IQSEC1: variants seen among roughly 807,000 people sequenced by gnomAD.
IQSEC1 encodes IQ motif and SEC7 domain-containing protein 1.
In IQSEC1, 31 loss-of-function variants were observed where a neutral mutation model predicts 91.0. That is an observed-to-expected ratio of 0.34 (90% CI 0.26 to 0.46). The LOEUF is 0.46. Ranked by LOEUF, IQSEC1 falls within the 20% of genes least tolerant of loss-of-function variation. The pLI, the probability that IQSEC1 is intolerant of heterozygous loss-of-function variation, is 1.00. For missense variants in IQSEC1, 1,388 were observed against 1,575.6 expected (o/e 0.88, Z 2.02); for synonymous variants, 699 against 662.6 (o/e 1.05, Z -0.84).
chr3:13,039,266 T>C (rs1231079585), intron 1 of IQSEC1, among the ~76,000 whole-genome samples: 2 of 152,258 alleles, frequency 1.3e-5, no homozygotes, highest in Non-Finnish European at 2.9e-5. Flanking sequence ...TTCCGTTTGC[T>C]AGTTGAAATA....
chr3:13,049,295 C>A (rs1367633533), intron 1 of IQSEC1, among the ~76,000 whole-genome samples: 5 of 152,202 alleles, frequency 3.3e-5, no homozygotes, highest in Admixed American at 1.3e-4. Context: ...GGTTCCTGGG[C>A]CCCACAGGCA....
chr3:13,022,234 A>G, intron 1 of IQSEC1: 1 of 1,227,792 alleles, frequency 8.1e-7, no homozygotes, highest in Non-Finnish European at 1.0e-6. Context: ...TAGGAAGAAG[A>G]AAGAAAAGCC....
intron 2 of IQSEC1, among the ~76,000 whole-genome samples, chr3:13,121,092 G>A (rs1001477986): frequency 1.3e-5 from 2 of 152,138 alleles, no homozygotes; most frequent in African/African-American, 4.8e-5. Flanking sequence ...CATCGTCCTC[G>A]GCCCTGACTA....
rs149619102 is a variant in IQSEC1 at position 13,151,925 on chromosome 3, C to T, written c.302+12179G>A. 5.1e-3 allele frequency among the ~76,000 whole-genome samples: 781 copies of T among 152,256 alleles called. 12 individuals carry two copies. The highest frequency in any genetic ancestry group is 0.018 in the African/African-American group (749 of 41,536). ...AGGTTGCAGCGACCCAAGATCGAGT[C>T]ACTGTACTCCAGGCTGGGTGACAGA... On this transcript the variant is annotated intron_variant, in intron 2 of 15. Coordinates refer to the IQSEC1 transcript ENST00000648114.
Position 12,901,043 on chromosome 3 carries a change from A to C in IQSEC1, c.3285T>G (p.Pro1095=). 2 of 1,123,864 alleles carry C rather than the reference A, an allele frequency of 1.8e-6. No homozygotes were observed. The highest frequency in any genetic ancestry group is 2.5e-6 in the Non-Finnish European group (2 of 802,818). The allele number at this position is 1,123,864 out of a possible 1,614,324, so 69.6% of individuals were successfully genotyped here. ...GHTVHHHGQP[P]APPPPTSSKA... Reference sequence around the variant, plus strand: ...TGCTGCTGGTGGGGGGCGGCGGGGCAGGGGGCTGCCCATGGTGGTGCACTG... The same window carrying C: ...TGCTGCTGGTGGGGGGCGGCGGGGCCGGGGGCTGCCCATGGTGGTGCACTG... The change falls in exon 14 of 14, where the codon CCT becomes CCG. Residue 1095 remains proline (P), a synonymous_variant. Transcript: ENST00000613206.
intron 1 of IQSEC1, among the ~76,000 whole-genome samples, chr3:13,026,633 G>C (rs968365424): frequency 6.6e-6 from 1 of 152,176 alleles, no homozygotes; most frequent in African/African-American, 2.4e-5. Context: ...GTATAAACTA[G>C]ATCATTTCTC....
chr3:12,960,970 C>T (rs1206229519), intron 1 of IQSEC1, among the ~76,000 whole-genome samples: 1 of 152,226 alleles, frequency 6.6e-6, no homozygotes, highest in African/African-American at 2.4e-5. Flanking sequence ...GGCCACACAT[C>T]CAGGAAAGGG....
rs192553778 is a variant in IQSEC1 at position 13,012,927 on chromosome 3, G to A, written c.23+60065C>T. 2.3e-4 allele frequency among the ~76,000 whole-genome samples: 34 copies of A among 148,702 alleles called. No homozygotes were observed. The South Asian group carries it at 4.5e-3, about 20-fold the overall frequency. ...AACACACCCAAGGTCACATAGCTAC[G>A]AAAGCAGTGGAACAGAAACTCCCAT... is the stretch of plus-strand genomic sequence containing the variant. On this transcript the variant is annotated intron_variant, in intron 1 of 13. Transcript: ENST00000613206.
intron 1 of IQSEC1, among the ~76,000 whole-genome samples, chr3:13,181,462 G>A (rs775400483): frequency 1.8e-4 from 28 of 152,152 alleles, no homozygotes; most frequent in Non-Finnish European, 3.4e-4. Context: ...GACATATACA[G>A]AATACTCCAC....
At chr3:12,946,083 T>C (rs1345637084) in intron 1 of IQSEC1, among the ~76,000 whole-genome samples, 2 of 152,222 alleles carry the variant, frequency 1.3e-5, no homozygotes, top group East Asian at 1.9e-4. Flanking sequence ...GAAACACAGA[T>C]ACCTTAGTGA....
intron 2 of IQSEC1, among the ~76,000 whole-genome samples, chr3:13,095,033 G>A (rs979262541): frequency 1.3e-5 from 2 of 151,974 alleles, no homozygotes; most frequent in African/African-American, 4.8e-5. Context: ...CTGGGCAAAC[G>A]CTATTGCACC....
intron 1 of IQSEC1, among the ~76,000 whole-genome samples, chr3:12,981,649 A>T (rs1166766150): frequency 6.6e-6 from 1 of 152,254 alleles, no homozygotes; most frequent in Non-Finnish European, 1.5e-5. Flanking sequence ...CATTAAAATT[A>T]TTCTTTATCA....
intron 2 of IQSEC1, among the ~76,000 whole-genome samples, chr3:13,151,498 G>C (rs1318307376): frequency 1.3e-5 from 2 of 152,230 alleles, no homozygotes; most frequent in Non-Finnish European, 2.9e-5. Flanking sequence ...TGACAGGTCA[G>C]GGAAGTAGGG....
intron 1 of IQSEC1, among the ~76,000 whole-genome samples, chr3:13,217,981 T>C (rs1694581834): frequency 6.6e-6 from 1 of 152,162 alleles, no homozygotes; most frequent in Non-Finnish European, 1.5e-5. Context: ...ACCTGACCTC[T>C]ACACAGCACC....
chr3:12,974,763 C>T (rs1468402540), intron 1 of IQSEC1, among the ~76,000 whole-genome samples: 1 of 152,238 alleles, frequency 6.6e-6, no homozygotes, highest in Non-Finnish European at 1.5e-5. Context: ...CCCACTTCAG[C>T]CCTTCATACT....
intron 1 of IQSEC1, chr3:13,053,216 C>A: frequency 1.5e-6 from 1 of 647,262 alleles, no homozygotes; most frequent in Non-Finnish European, 2.8e-6. Context: ...GTTGGGGATG[C>A]TGCGACCCAT....
At chr3:13,218,490 T>C (rs6809771) in intron 1 of IQSEC1, among the ~76,000 whole-genome samples, 5,530 of 152,304 alleles carry the variant, frequency 0.036, 166 homozygotes, top group East Asian at 0.13. Context: ...ACAGAGTCTT[T>C]GGCGGGAGGT....
chr3:13,177,673 T>C lies in IQSEC1; in HGVS notation c.273-13540A>G, dbSNP rs545479146. Among the ~76,000 whole-genome samples the C allele has an allele frequency of 1.3e-4, 20 of 152,194 alleles. 1 individual carries two copies. The highest frequency in any genetic ancestry group is 4.1e-4 in the African/African-American group (17 of 41,508). On this transcript the variant is annotated intron_variant, in intron 1 of 15. Coordinates refer to the IQSEC1 transcript ENST00000648114. ...AACTCCACTGCTGTGCTGATGTGGGTCCCCCGCCGGGCCTTCTGCTAACAG... is the reference window on the plus strand; with the variant it reads ...AACTCCACTGCTGTGCTGATGTGGGCCCCCCGCCGGGCCTTCTGCTAACAG...
At chr3:12,926,643 G>A (rs966048763) in intron 3 of IQSEC1, among the ~76,000 whole-genome samples, 8 of 152,214 alleles carry the variant, frequency 5.3e-5, no homozygotes, top group African/African-American at 7.2e-5. Flanking sequence ...TTAGGGGGCC[G>A]GGCCTGACCC....
Sources: gnomAD v4.1 joint callset for allele counts (sites outside exome capture counted in the v4.1 genomes callset) on GRCh38, gnomAD v4.1.1 for gene constraint, MANE v1.5 for transcripts, NCBI Gene and HGNC (gene_info 2026-07-23, HGNC 2026-07-21) for gene names.